The following ASTN2 variants were observed in gnomAD, a reference collection of about 807,000 sequenced individuals.
ASTN2 encodes astrotactin 2, also known as astrotactin-2.
A neutral mutation model predicts 139.8 loss-of-function variants in ASTN2; 54 were observed. The observed-to-expected ratio is 0.39, with a 90% CI of 0.31 to 0.48. The LOEUF (loss-of-function observed/expected upper bound fraction) is 0.48. Among genes scored for constraint, ASTN2 ranks in the 20% least tolerant of loss-of-function variants. The pLI is 0.95. For missense variants in ASTN2, 1,565 were observed against 1,725.1 expected (o/e 0.91, Z 1.64); for synonymous variants, 756 against 719.5 (o/e 1.05, Z -0.81).
chr9:116,766,791 AACAC>A (rs1049479755), intron 13 of ASTN2, among the ~76,000 whole-genome samples: 1 of 151,178 alleles, frequency 6.6e-6, no homozygotes, highest in East Asian at 2.0e-4. Context: ...TATACATCTA[AACAC>A]ACACACATTC....
chr9:116,972,280 T>A (rs1222814862), intron 10 of ASTN2, among the ~76,000 whole-genome samples: 1 of 152,240 alleles, frequency 6.6e-6, no homozygotes, highest in Admixed American at 6.5e-5. Context: ...ATCATATTTG[T>A]TAGATTCATC....
chr9:117,122,488 G>T (rs1212843713), intron 4 of ASTN2, among the ~76,000 whole-genome samples: 2 of 152,068 alleles, frequency 1.3e-5, no homozygotes, highest in East Asian at 1.9e-4. Flanking sequence ...TTGAGGAGAG[G>T]TATTGGCTCT....
At chr9:116,447,800 GCAT>G (rs1479742108) in intron 20 of ASTN2, among the ~76,000 whole-genome samples, 1 of 152,212 alleles carries the variant, frequency 6.6e-6, no homozygotes, top group Non-Finnish European at 1.5e-5. Context: ...ATCGCTGTTG[GCAT>G]CATCATTAGG....
chr9:117,261,476 A>G (rs1833821068), intron 2 of ASTN2, among the ~76,000 whole-genome samples: 1 of 152,198 alleles, frequency 6.6e-6, no homozygotes. Flanking sequence ...GCTATGCTTG[A>G]ATTCACCAGG....
At chr9:116,440,520 C>A in intron 22 of ASTN2, 89 bp downstream of exon 22, 1 of 1,252,246 alleles carries the variant, frequency 8.0e-7, no homozygotes, top group Non-Finnish European at 1.1e-6. Context: ...CTTGATAAAG[C>A]CTAGTCTCAG....
intron 3 of ASTN2, among the ~76,000 whole-genome samples, chr9:117,179,305 A>G (rs1830997046): frequency 2.6e-5 from 4 of 152,152 alleles, no homozygotes; most frequent in African/African-American, 9.7e-5. Context: ...TGATATATAC[A>G]TATTTTCACA....
At position 117,143,816 on chromosome 9, in the gene ASTN2, G is replaced by GAA. The variant is rs146200139; in HGVS notation, c.1016-2340_1016-2339dup. Among the ~76,000 whole-genome samples, 10 of 146,954 alleles carry GAA rather than the reference G, an allele frequency of 6.8e-5. No individual in the cohort carries two copies. The East Asian group carries it at 1.2e-3, about 18-fold the overall frequency. ...GGAAAGAGAGAGAGAAAGAGAGAGA[G>GAA]AAAAAAAAAACCTCTCCCTTCCTCT... is the stretch of plus-strand genomic sequence containing the variant. On this transcript the variant is annotated intron_variant, in intron 3 of 22. Coordinates refer to ENST00000313400, the MANE Select transcript of ASTN2 (RefSeq NM_001365068.1).
At chr9:116,934,660 A>G (rs1336468778) in intron 10 of ASTN2, among the ~76,000 whole-genome samples, 1 of 152,102 alleles carries the variant, frequency 6.6e-6, no homozygotes, top group Non-Finnish European at 1.5e-5. Context: ...AAAATTACTA[A>G]TAGGTACTAG....
At chr9:116,809,171 C>A (rs1472893185) in intron 12 of ASTN2, among the ~76,000 whole-genome samples, 1 of 151,928 alleles carries the variant, frequency 6.6e-6, no homozygotes, top group East Asian at 1.9e-4. Context: ...TAGAAACCCA[C>A]AAGACGATAA....
chr9:116,627,594 G>GCCTTATTTTGCTAACAGCCT (rs1394165989), intron 17 of ASTN2, among the ~76,000 whole-genome samples: 1 of 152,170 alleles, frequency 6.6e-6, no homozygotes, highest in African/African-American at 2.4e-5. Flanking sequence ...GCCTTATGTA[G>GCCTTATTTTGCTAACAGCCT]TAGTTTTGCT....
At chr9:117,021,469 T>C (rs1162049324) in intron 6 of ASTN2, among the ~76,000 whole-genome samples, 1 of 152,154 alleles carries the variant, frequency 6.6e-6, no homozygotes, top group Non-Finnish European at 1.5e-5. Context: ...GGAATGGGCA[T>C]GCGCAGAGAC....
At chr9:117,198,911 T>C (rs1397399352) in intron 3 of ASTN2, among the ~76,000 whole-genome samples, 10 of 152,234 alleles carry the variant, frequency 6.6e-5, no homozygotes, top group African/African-American at 2.2e-4. Context: ...GTTTTTCATA[T>C]GTTTGTTGGC....
intron 19 of ASTN2, among the ~76,000 whole-genome samples, chr9:116,553,971 T>C (rs1852474302): frequency 6.6e-6 from 1 of 152,258 alleles, no homozygotes. Flanking sequence ...AATGAACGAA[T>C]GAATGAATGT....
chr9:117,413,308 G>T (rs1012777315), intron 1 of ASTN2, among the ~76,000 whole-genome samples: 2 of 152,366 alleles, frequency 1.3e-5, no homozygotes, highest in African/African-American at 4.8e-5. Context: ...GGATCGTAAA[G>T]GTTCTCACCT....
chr9:117,126,753 T>C (rs1242610415), intron 4 of ASTN2, among the ~76,000 whole-genome samples: 3 of 152,236 alleles, frequency 2.0e-5, no homozygotes, highest in African/African-American at 4.8e-5. Context: ...AATCTGTAAT[T>C]ATTATACTTG....
intron 13 of ASTN2, among the ~76,000 whole-genome samples, chr9:116,767,348 G>C (rs974033555): frequency 6.6e-6 from 1 of 152,180 alleles, no homozygotes; most frequent in Non-Finnish European, 1.5e-5. Context: ...GGGGTGGCTT[G>C]GGAGAGACGA....
intron 11 of ASTN2, among the ~76,000 whole-genome samples, chr9:116,860,406 A>G (rs1483908968): frequency 6.6e-6 from 1 of 152,220 alleles, no homozygotes; most frequent in African/African-American, 2.4e-5. Context: ...TAAATCCCAA[A>G]TCATTGCCAG....
At chr9:117,299,761 T>C (rs1471551485) in intron 1 of ASTN2, among the ~76,000 whole-genome samples, 2 of 152,178 alleles carry the variant, frequency 1.3e-5, no homozygotes, top group African/African-American at 4.8e-5. Context: ...CCATATATCA[T>C]GAATTAAGAT....
intron 7 of ASTN2, among the ~76,000 whole-genome samples, chr9:116,997,392 C>G (rs186669009): frequency 7.2e-5 from 11 of 152,248 alleles, no homozygotes; most frequent in African/African-American, 2.6e-4. Context: ...AAGTAGTTTC[C>G]CTACAACCCA....
Sources: allele counts gnomAD v4.1 joint callset (sites outside exome capture counted in the v4.1 genomes callset), GRCh38; gene constraint gnomAD v4.1.1; transcripts MANE v1.5; gene names NCBI Gene and HGNC (gene_info 2026-07-23, HGNC 2026-07-21).